Variants in CFAP54 observed in about 807,000 individuals in gnomAD.
The protein encoded by CFAP54 is cilia- and flagella-associated protein 54.
A neutral mutation model predicts 370.4 loss-of-function variants in CFAP54; 290 were observed. That is an observed-to-expected ratio of 0.78 (90% CI 0.71 to 0.86). CFAP54 has a LOEUF of 0.86. Among genes scored for constraint, CFAP54 ranks in the 40% least tolerant of loss-of-function variants. CFAP54 has a pLI of 0.00. For synonymous variants in CFAP54, 1,206 were observed against 1,236.5 expected (o/e 0.98, Z 0.52); for missense variants, 3,399 against 3,528.7 (o/e 0.96, Z 0.93).
chr12:96,554,689 TAGATGG>T lies in CFAP54; in HGVS notation c.2302_2307del (p.Gly768_Asp769del). ...GTTGGACCAAAGCGTACCCACCATA[TAGATGG>T]AGATACTTACAAACCACTTGCCTCA... On this transcript the variant is annotated inframe_deletion, in exon 17 of 68. Coordinates refer to ENST00000524981, the MANE Select transcript of CFAP54 (RefSeq NM_001306084.2). 1 of 1,533,606 alleles carries T rather than the reference TAGATGG, an allele frequency of 6.5e-7. No individual in the cohort carries two copies. The highest frequency in any genetic ancestry group is 8.7e-7 in the Non-Finnish European group (1 of 1,145,414). 95.0% of individuals were successfully genotyped at this position (1,533,606 alleles called of 1,614,324 possible). A position where few individuals can be genotyped will look rare whatever the true frequency, so the allele number is the denominator to read the frequency against.
At chr12:96,660,946 A>G (rs1006420605) in intron 38 of CFAP54, among the ~76,000 whole-genome samples, 1 of 152,152 alleles carries the variant, frequency 6.6e-6, no homozygotes, top group African/African-American at 2.4e-5. Context: ...GGAAAATCAC[A>G]AAAGATACAG....
intron 60 of CFAP54, 26 bp downstream of exon 60, chr12:96,765,244 G>T: frequency 2.1e-6 from 3 of 1,444,766 alleles, no homozygotes; most frequent in East Asian, 2.4e-5. Context: ...TACATATTAT[G>T]CAAAAAAACT....
At chr12:96,688,431 G>A (rs1056845016) in intron 42 of CFAP54, among the ~76,000 whole-genome samples, 9 of 152,160 alleles carry the variant, frequency 5.9e-5, no homozygotes, top group Admixed American at 5.9e-4. Context: ...TCATTCAGTG[G>A]AACCAATAGG....
intron 26 of CFAP54, among the ~76,000 whole-genome samples, chr12:96,602,087 G>C (rs1956248655): frequency 6.6e-6 from 1 of 151,966 alleles, no homozygotes. Context: ...TTCTCTTGTG[G>C]GCATTTAGTG....
At chr12:96,735,648 C>T (rs1227587340) in intron 50 of CFAP54, among the ~76,000 whole-genome samples, 3 of 152,016 alleles carry the variant, frequency 2.0e-5, no homozygotes, top group Non-Finnish European at 2.9e-5. Context: ...CTAACAATGA[C>T]CTGGGGATAA....
chr12:96,744,179 T>G (rs1958085515), intron 55 of CFAP54, 33 bp downstream of exon 55: 1 of 1,555,086 alleles, frequency 6.4e-7, no homozygotes, highest in African/African-American at 1.4e-5. Context: ...TGCCCTAGAA[T>G]AACTGATAAA....
chr12:96,575,546 C>A (rs1955966128), intron 19 of CFAP54, among the ~76,000 whole-genome samples: 1 of 152,024 alleles, frequency 6.6e-6, no homozygotes, highest in Non-Finnish European at 1.5e-5. Flanking sequence ...GTAGTAATCA[C>A]AATCATAATC....
chr12:96,528,445 T>C (rs953499750), intron 9 of CFAP54, among the ~76,000 whole-genome samples: 3 of 152,192 alleles, frequency 2.0e-5, no homozygotes, highest in Non-Finnish European at 4.4e-5. Context: ...CAAGGTCATA[T>C]TAGCCTCATA....
chr12:96,708,367 C>T (rs1311652683), intron 47 of CFAP54, among the ~76,000 whole-genome samples: 1 of 152,086 alleles, frequency 6.6e-6, no homozygotes, highest in Non-Finnish European at 1.5e-5. Flanking sequence ...GCCACGATGG[C>T]AGAGCTGGCC....
At position 96,647,934 on chromosome 12, in the gene CFAP54, C is replaced by T. The variant is rs895665232; in HGVS notation, c.4607C>T (p.Thr1536Ile). The change falls in exon 34 of 68, where the codon ACA becomes ATA. Residue 1536 changes from threonine to isoleucine, a missense_variant. Transcript: ENST00000524981. ...SLYNSGTVLP[T>I]RKLTVENYKA... ...TATAATTCAGGAACAGTATTACCAACAAGAAAATTGACTGTAGAAAATTAT... is the reference window on the plus strand; with the variant it reads ...TATAATTCAGGAACAGTATTACCAATAAGAAAATTGACTGTAGAAAATTAT... 3 of 1,515,350 alleles carry T rather than the reference C, an allele frequency of 2.0e-6. No individual in the cohort carries two copies. Among genetic ancestry groups the T allele is most frequent in the Middle Eastern group, 1.7e-4 (1 of 5,946 alleles). 93.9% of individuals were successfully genotyped at this position (1,515,350 alleles called of 1,614,324 possible).
intron 20 of CFAP54, among the ~76,000 whole-genome samples, chr12:96,578,480 T>C (rs939702605): frequency 6.6e-6 from 1 of 152,220 alleles, no homozygotes; most frequent in Non-Finnish European, 1.5e-5. Context: ...ACTAAGAGTT[T>C]TTGTTTGCTT....
At chr12:96,873,505 C>T (rs901206257) in intron 67 of CFAP54, among the ~76,000 whole-genome samples, 3 of 152,204 alleles carry the variant, frequency 2.0e-5, no homozygotes, top group Admixed American at 6.5e-5. Flanking sequence ...GTTATCTCAG[C>T]AGTCCCCTTC....
At chr12:96,799,112 A>C (rs1958795321) in intron 63 of CFAP54, among the ~76,000 whole-genome samples, 1 of 152,188 alleles carries the variant, frequency 6.6e-6, no homozygotes, top group South Asian at 2.1e-4. Context: ...GGAGGATAGA[A>C]GGAAGGAGGG....
intron 2 of CFAP54, among the ~76,000 whole-genome samples, chr12:96,501,477 T>G (rs896149219): frequency 3.3e-5 from 5 of 152,250 alleles, no homozygotes; most frequent in African/African-American, 1.2e-4. Flanking sequence ...AGAATGAGTT[T>G]GTGTCCTTCT....
intron 66 of CFAP54, among the ~76,000 whole-genome samples, chr12:96,832,483 C>G (rs898299544): frequency 1.9e-4 from 29 of 151,932 alleles, no homozygotes; most frequent in Admixed American, 1.4e-3. Context: ...TCCAACCTCT[C>G]ACAGTTGTTG....
intron 62 of CFAP54, among the ~76,000 whole-genome samples, chr12:96,788,431 A>G (rs1057190954): frequency 6.6e-6 from 1 of 152,258 alleles, no homozygotes; most frequent in African/African-American, 2.4e-5. Flanking sequence ...AAAACTAGAA[A>G]AAAATCACTG....
chr12:96,633,039 G>A (rs572179412), intron 32 of CFAP54, among the ~76,000 whole-genome samples: 1 of 152,072 alleles, frequency 6.6e-6, no homozygotes, highest in Admixed American at 6.5e-5. Context: ...TCTTTGTATA[G>A]GTGTATAGTT....
In CFAP54 at chr12:96,500,852, T is replaced by C; in HGVS notation, c.336T>C (p.Asn112=). 6.5e-7 allele frequency: 1 copy of C among 1,534,000 alleles called. No homozygotes were observed. Among genetic ancestry groups the C allele is most frequent in the African/African-American group, 1.4e-5 (1 of 73,116 alleles). The change falls in exon 2 of 68, where the codon AAT becomes AAC. Residue 112 remains asparagine (N), a synonymous_variant. Coordinates refer to ENST00000524981, the MANE Select transcript of CFAP54 (RefSeq NM_001306084.2). ...TTTACAGTGCCACTTCTTTGTTTAA[T>C]ATCTGGACTAAATACGCCCCCAGGC... is the stretch of plus-strand genomic sequence containing the variant. The part of the protein sequence containing the change: ...FRRRCATSLF[N]IWTKYAPRLP...
intron 14 of CFAP54, among the ~76,000 whole-genome samples, chr12:96,544,429 TC>T (rs1361152040): frequency 4.6e-5 from 7 of 151,928 alleles, no homozygotes; most frequent in South Asian, 4.2e-4. Flanking sequence ...TCTCTCTCTC[TC>T]TCTCTCTCTC....
Sources: allele counts gnomAD v4.1 joint callset (sites outside exome capture counted in the v4.1 genomes callset), GRCh38; gene constraint gnomAD v4.1.1; transcripts MANE v1.5; gene names NCBI Gene and HGNC (gene_info 2026-07-23, HGNC 2026-07-21).